The following GPC6 variants were observed in gnomAD, a reference collection of about 807,000 sequenced individuals.
GPC6 encodes the protein glypican 6, also known as glypican-6.
GPC6 carries 14 observed loss-of-function variants against 55.2 expected under a neutral mutation model. The ratio of observed to expected loss-of-function variants is 0.25; its 90% CI spans 0.17 to 0.40. The LOEUF is 0.40. Ranked by LOEUF, GPC6 falls within the 10% of genes least tolerant of loss-of-function variation. The pLI is 1.00. For synonymous variants in GPC6, 278 were observed against 259.6 expected, an observed-to-expected ratio of 1.07 and a Z score of -0.68; for missense variants, 641 against 708.5, an observed-to-expected ratio of 0.90 and a Z score of 1.08.
chr13:94,010,837 G>A (rs1328683628), intron 3 of GPC6, among the ~76,000 whole-genome samples: 1 of 152,122 alleles, frequency 6.6e-6, no homozygotes, highest in Non-Finnish European at 1.5e-5. Flanking sequence ...GGTGGATGAT[G>A]TTCCTAGGAT....
At chr13:93,528,498 G>T (rs1881737258) in intron 1 of GPC6, among the ~76,000 whole-genome samples, 1 of 152,124 alleles carries the variant, frequency 6.6e-6, no homozygotes, top group Non-Finnish European at 1.5e-5. Flanking sequence ...CCATGGTTTG[G>T]CAAGCAGTGT....
At chr13:93,692,145 T>C (rs1882281045) in intron 2 of GPC6, among the ~76,000 whole-genome samples, 2 of 152,124 alleles carry the variant, frequency 1.3e-5, no homozygotes. Flanking sequence ...CAAAATCTTA[T>C]GATTTTTCTG....
intron 3 of GPC6, among the ~76,000 whole-genome samples, chr13:93,853,009 A>T (rs1888460589): frequency 6.6e-6 from 1 of 151,768 alleles, no homozygotes; most frequent in Admixed American, 6.6e-5. Context: ...TTAAAAATCC[A>T]GTTAAAAAAT....
intron 1 of GPC6, among the ~76,000 whole-genome samples, chr13:93,519,047 A>T (rs1881310755): frequency 6.6e-6 from 1 of 152,014 alleles, no homozygotes; most frequent in African/African-American, 2.4e-5. Context: ...TGTAATAGAG[A>T]TCTTATGTAC....
intron 3 of GPC6, among the ~76,000 whole-genome samples, chr13:93,978,957 T>A (rs1594637604): frequency 6.6e-6 from 1 of 152,200 alleles, no homozygotes; most frequent in African/African-American, 2.4e-5. Context: ...ACCATATTGA[T>A]GAGAAGATGG....
chr13:93,700,401 A>G (rs1882627275), intron 2 of GPC6, among the ~76,000 whole-genome samples: 1 of 152,062 alleles, frequency 6.6e-6, no homozygotes. Context: ...GCACCAGTGT[A>G]AACCTACCCT....
chr13:93,796,706 G>T (rs1462579152), intron 2 of GPC6, among the ~76,000 whole-genome samples: 1 of 152,032 alleles, frequency 6.6e-6, no homozygotes, highest in East Asian at 1.9e-4. Context: ...CCTCTTCTTG[G>T]CTGCAAAGTG....
At chr13:93,895,218 A>ATGTGTGTGTGTGTGTGTGTGTGTG (rs1299548089) in intron 3 of GPC6, among the ~76,000 whole-genome samples, 5 of 60,440 alleles carry the variant, frequency 8.3e-5, no homozygotes, top group African/African-American at 4.7e-4. Flanking sequence ...GTGTGTGTGT[A>ATGTGTGTGTGTGTGTGTGTGTGTG]TGTATGTGTG....
chr13:93,377,997 A>G (rs1874993552), intron 1 of GPC6, among the ~76,000 whole-genome samples: 1 of 152,232 alleles, frequency 6.6e-6, no homozygotes, highest in African/African-American at 2.4e-5. Context: ...ATAGCACTGT[A>G]GATTTAAGCC....
intron 2 of GPC6, among the ~76,000 whole-genome samples, chr13:93,566,556 T>A (rs1393101111): frequency 2.6e-5 from 4 of 151,156 alleles, no homozygotes; most frequent in Non-Finnish European, 4.4e-5. Context: ...TGTTTTTTTT[T>A]ATGACTTTTT....
At chr13:93,813,299 C>A (rs1179798119) in intron 2 of GPC6, among the ~76,000 whole-genome samples, 1 of 152,056 alleles carries the variant, frequency 6.6e-6, no homozygotes, top group Non-Finnish European at 1.5e-5. Context: ...TGGATGTAAT[C>A]CCACAGCTAC....
At chr13:94,359,408 A>G (rs1878952491) in intron 6 of GPC6, among the ~76,000 whole-genome samples, 1 of 152,206 alleles carries the variant, frequency 6.6e-6, no homozygotes, top group South Asian at 2.1e-4. Flanking sequence ...TGAGAAAAAT[A>G]CAAAAAATAA....
chr13:93,838,327 G>A (rs1032294428), intron 3 of GPC6, among the ~76,000 whole-genome samples: 3 of 152,148 alleles, frequency 2.0e-5, no homozygotes, highest in Non-Finnish European at 2.9e-5. Context: ...CTTGGGAAAC[G>A]GGAGCAGACA....
intron 2 of GPC6, among the ~76,000 whole-genome samples, chr13:93,780,594 T>TACACAC (rs35134947): frequency 0.023 from 3,359 of 143,890 alleles, 53 homozygotes; most frequent in African/African-American, 0.038. Context: ...ATCACAAAAA[T>TACACAC]ACACACACAC....
At chr13:93,803,416 T>TA (rs1304816287) in intron 2 of GPC6, among the ~76,000 whole-genome samples, 9 of 151,924 alleles carry the variant, frequency 5.9e-5, no homozygotes, top group Admixed American at 5.2e-4. Flanking sequence ...ATTGTGATAA[T>TA]AAAAAAAGAC....
intron 1 of GPC6, among the ~76,000 whole-genome samples, chr13:93,262,349 A>C (rs1250801953): frequency 2.0e-5 from 3 of 152,186 alleles, no homozygotes; most frequent in Non-Finnish European, 4.4e-5. Flanking sequence ...GAAAGTGTGG[A>C]TCCTTTCACG....
chr13:93,909,288 A>C (rs867818697), intron 3 of GPC6, among the ~76,000 whole-genome samples: 4 of 152,220 alleles, frequency 2.6e-5, no homozygotes, highest in African/African-American at 9.6e-5. Context: ...TATAATATTG[A>C]TCCTGATTAG....
At chr13:93,252,657 G>C (rs1412439269) in intron 1 of GPC6, among the ~76,000 whole-genome samples, 1 of 152,118 alleles carries the variant, frequency 6.6e-6, no homozygotes, top group African/African-American at 2.4e-5. Flanking sequence ...TTAAAATGAG[G>C]GACTTAGTTT....
Position 93,327,994 on chromosome 13 carries a change from C to G in GPC6, c.160+100378C>G, listed in dbSNP as rs560833625. On this transcript the variant is annotated intron_variant, in intron 1 of 8. Coordinates refer to ENST00000377047, the MANE Select transcript of GPC6 (RefSeq NM_005708.5). ...TGAGGAAATACATAAATATAAAAAA[C>G]AACTTTAAAAAAATGGCCATTTTGG... Among the ~76,000 whole-genome samples, 3 of 152,000 alleles carry G rather than the reference C, an allele frequency of 2.0e-5. No homozygotes were observed. The South Asian group carries it at 6.2e-4, about 32-fold the overall frequency.
Sources: allele counts gnomAD v4.1 joint callset (sites outside exome capture counted in the v4.1 genomes callset), GRCh38; gene constraint gnomAD v4.1.1; transcripts MANE v1.5; gene names NCBI Gene and HGNC (gene_info 2026-07-23, HGNC 2026-07-21).